The following PDE4B variants were observed in gnomAD, a reference collection of about 807,000 sequenced individuals.
The protein encoded by PDE4B is phosphodiesterase 4B.
PDE4B carries 20 observed loss-of-function variants against 82.2 expected under a neutral mutation model. That is an observed-to-expected ratio of 0.24 (90% CI 0.17 to 0.35). The LOEUF (loss-of-function observed/expected upper bound fraction) is 0.35, where lower values mean the gene tolerates loss of function less well. Ranked by LOEUF, PDE4B falls within the 10% of genes least tolerant of loss-of-function variation. The pLI is 1.00. For missense variants in PDE4B, 655 were observed against 907.2 expected, an observed-to-expected ratio of 0.72 and a Z score of 3.57; for synonymous variants, 320 against 318.9, an observed-to-expected ratio of 1.00 and a Z score of -0.04.
At chr1:66,195,496 T>C (rs1648221227) in intron 3 of PDE4B, among the ~76,000 whole-genome samples, 1 of 152,170 alleles carries the variant, frequency 6.6e-6, no homozygotes, top group Non-Finnish European at 1.5e-5. Context: ...TAGATCTTTC[T>C]AAAGAGCACC....
intron 3 of PDE4B, among the ~76,000 whole-genome samples, chr1:66,171,347 A>C (rs1258975148): frequency 6.6e-6 from 1 of 152,206 alleles, no homozygotes; most frequent in Non-Finnish European, 1.5e-5. Context: ...TATGGGATGG[A>C]ATATTAGTCT....
At chr1:65,952,965 G>A (rs905253684) in intron 3 of PDE4B, among the ~76,000 whole-genome samples, 1 of 152,126 alleles carries the variant, frequency 6.6e-6, no homozygotes, top group African/African-American at 2.4e-5. Flanking sequence ...CCTATCTGCA[G>A]TGGGTCTCAG....
At chr1:66,213,952 C>T (rs183666693) in intron 3 of PDE4B, among the ~76,000 whole-genome samples, 33 of 152,246 alleles carry the variant, frequency 2.2e-4, no homozygotes, top group East Asian at 3.9e-4. Context: ...CATGACCAAA[C>T]GCTTCTTTAT....
intron 3 of PDE4B, among the ~76,000 whole-genome samples, chr1:65,991,950 T>C (rs1163011909): frequency 2.0e-5 from 3 of 152,202 alleles, no homozygotes; most frequent in Non-Finnish European, 4.4e-5. Flanking sequence ...AAAGTGGCTG[T>C]GCATCTAGCA....
At chr1:65,921,127 C>T (rs1224259865) in intron 3 of PDE4B, among the ~76,000 whole-genome samples, 1 of 150,852 alleles carries the variant, frequency 6.6e-6, no homozygotes, top group Non-Finnish European at 1.5e-5. Context: ...TGCCACTACG[C>T]CCGGCTAATT....
chr1:65,822,301 G>T (rs1003084334), intron 1 of PDE4B, among the ~76,000 whole-genome samples: 4 of 152,174 alleles, frequency 2.6e-5, no homozygotes, highest in African/African-American at 9.7e-5. Flanking sequence ...TGGATATTAA[G>T]ATTGTTTTCG....
intron 3 of PDE4B, among the ~76,000 whole-genome samples, chr1:66,204,987 C>T (rs1231593725): frequency 6.6e-6 from 1 of 152,216 alleles, no homozygotes; most frequent in Non-Finnish European, 1.5e-5. Context: ...GCCATCTTGG[C>T]TCCACCCTCT....
In PDE4B at chr1:66,284,772, A is replaced by G. The variant is rs147239072; in HGVS notation, c.634+18685A>G. Among the ~76,000 whole-genome samples the G allele has an allele frequency of 4.1e-3, 620 of 152,208 alleles. 2 individuals are homozygous for G. The highest frequency in any genetic ancestry group is 0.014 in the African/African-American group (597 of 41,522). On this transcript the variant is annotated intron_variant, in intron 7 of 16. Transcript: ENST00000341517. ...TGAAGAAAGGATAGGGTGTAGGGATATGCAGGACATTAGACAGGAAAGATG... is the reference window on the plus strand; with the variant it reads ...TGAAGAAAGGATAGGGTGTAGGGATGTGCAGGACATTAGACAGGAAAGATG...
At chr1:65,980,026 A>G (rs1650604757) in intron 3 of PDE4B, among the ~76,000 whole-genome samples, 1 of 152,152 alleles carries the variant, frequency 6.6e-6, no homozygotes, top group African/African-American at 2.4e-5. Context: ...AGAAAGATCT[A>G]GAGAGAGAGC....
intron 3 of PDE4B, among the ~76,000 whole-genome samples, chr1:65,939,554 G>T (rs1478892642): frequency 6.6e-6 from 1 of 152,082 alleles, no homozygotes; most frequent in Non-Finnish European, 1.5e-5. Flanking sequence ...CACAGAAGCT[G>T]AGCCTACCTC....
At chr1:66,343,654 T>C (rs1481900833) in intron 8 of PDE4B, among the ~76,000 whole-genome samples, 1 of 152,196 alleles carries the variant, frequency 6.6e-6, no homozygotes, top group African/African-American at 2.4e-5. Context: ...TCTGTTTAAT[T>C]GTAAGGATGG....
intron 3 of PDE4B, among the ~76,000 whole-genome samples, chr1:66,174,660 G>A (rs1033487634): frequency 6.6e-6 from 1 of 152,100 alleles, no homozygotes; most frequent in African/African-American, 2.4e-5. Flanking sequence ...GGAGGCTGAG[G>A]CAGGAGAATG....
intron 4 of PDE4B, among the ~76,000 whole-genome samples, chr1:66,249,394 C>T (rs1653576572): frequency 6.6e-6 from 1 of 152,188 alleles, no homozygotes; most frequent in Non-Finnish European, 1.5e-5. Context: ...TAAGAGCTCT[C>T]CAGACTCAAG....
chr1:66,306,505 A>G (rs1255878642), intron 7 of PDE4B, among the ~76,000 whole-genome samples: 1 of 152,136 alleles, frequency 6.6e-6, no homozygotes, highest in African/African-American at 2.4e-5. Context: ...GGTGGGTTGT[A>G]GAAGTTGAGA....
At chr1:65,992,696 G>T in intron 3 of PDE4B, 1 of 1,305,846 alleles carries the variant, frequency 7.7e-7, no homozygotes, top group South Asian at 2.1e-5. Context: ...CAGAGGCAAA[G>T]CCAGCCTGAT....
chr1:65,921,492 T>TA lies in PDE4B; in HGVS notation c.281+2658dup, dbSNP rs371835465. On this transcript the variant is annotated intron_variant, in intron 3 of 16. Coordinates refer to ENST00000341517, the MANE Select transcript of PDE4B (RefSeq NM_002600.4). ...GAGAGAAAGAATTATGCTTACCACT[T>TA]AGAGTACCAAGAATATGGAATCAAT... Among the ~76,000 whole-genome samples the TA allele has an allele frequency of 6.3e-3, 957 of 152,254 alleles. 13 individuals carry two copies. Among genetic ancestry groups the TA allele is most frequent in the African/African-American group, 0.021 (881 of 41,554 alleles).
At chr1:66,203,826 C>G (rs1220001092) in intron 3 of PDE4B, among the ~76,000 whole-genome samples, 1 of 152,176 alleles carries the variant, frequency 6.6e-6, no homozygotes, top group Admixed American at 6.5e-5. Context: ...GTTTGATCAT[C>G]TGAAGCCTTC....
intron 3 of PDE4B, among the ~76,000 whole-genome samples, chr1:66,013,502 A>C (rs1452810681): frequency 6.6e-6 from 1 of 152,104 alleles, no homozygotes; most frequent in East Asian, 1.9e-4. Flanking sequence ...AACACAACCC[A>C]AAATTTACCA....
chr1:65,890,238 A>T (rs914096697), intron 1 of PDE4B, among the ~76,000 whole-genome samples: 13 of 151,848 alleles, frequency 8.6e-5, no homozygotes, highest in Non-Finnish European at 1.9e-4. Flanking sequence ...AATTTGCCTT[A>T]TATTGGTTTT....
Sources: allele counts gnomAD v4.1 joint callset (sites outside exome capture counted in the v4.1 genomes callset), GRCh38; gene constraint gnomAD v4.1.1; transcripts MANE v1.5; gene names NCBI Gene and HGNC (gene_info 2026-07-23, HGNC 2026-07-21).